SOX6: variants seen among roughly 807,000 people sequenced by gnomAD.
SOX6 encodes the protein transcription factor SOX-6.
SOX6 carries 11 observed loss-of-function variants against 97.8 expected under a neutral mutation model. The ratio of observed to expected loss-of-function variants is 0.11; its 90% CI spans 0.07 to 0.19. The LOEUF (loss-of-function observed/expected upper bound fraction) is 0.19. Ranked by LOEUF, SOX6 falls within the 10% of genes least tolerant of loss-of-function variation. SOX6 has a pLI of 1.00. For synonymous variants in SOX6, 360 were observed against 371.4 expected (o/e 0.97, Z 0.35); for missense variants, 810 against 1,039.5 (o/e 0.78, Z 3.04).
intron 4 of SOX6, among the ~76,000 whole-genome samples, chr11:16,567,876 T>A (rs1319196779): frequency 6.8e-6 from 1 of 147,008 alleles, no homozygotes; most frequent in East Asian, 1.9e-4. Flanking sequence ...CACCTGGCCA[T>A]ATTTTTTTTT....
intron 4 of SOX6, among the ~76,000 whole-genome samples, chr11:16,534,180 A>G (rs1041385353): frequency 1.3e-5 from 2 of 152,130 alleles, no homozygotes; most frequent in African/African-American, 4.8e-5. Context: ...CTTAATCTAT[A>G]TATCATACAA....
In SOX6 at chr11:16,049,764, A is replaced by G. The variant is rs781573416; in HGVS notation, c.1426T>C (p.Ser476Pro). ...TGACTTTTCCATTTACCTAAAGAGGATCCTCTTCCCAGGCTTCCTCCAATG... is the reference window on the plus strand; with the variant it reads ...TGACTTTTCCATTTACCTAAAGAGGGTCCTCTTCCCAGGCTTCCTCCAATG... ...SPIGGSLGRG[S>P]SLDILSSLNS... The change falls in exon 11 of 16, where the codon TCC (serine) becomes CCC (proline). Residue 476 changes from serine (S) to proline (P), a missense_variant. Physicochemically the swap from Ser to Pro is moderately conservative, Grantham distance 74. This residue lies in a region of SOX6 where 14 missense variants were observed against 36.0 expected (regional missense o/e 0.39). Transcript: ENST00000683767. The G allele has an allele frequency of 1.9e-6, 3 of 1,613,228 alleles. No homozygotes were observed. The highest frequency in any genetic ancestry group is 2.5e-6 in the Non-Finnish European group (3 of 1,179,792).
intron 4 of SOX6, among the ~76,000 whole-genome samples, chr11:16,564,996 T>C (rs889940596): frequency 6.6e-6 from 1 of 151,216 alleles, no homozygotes; most frequent in African/African-American, 2.4e-5. Flanking sequence ...AGGAAAACAA[T>C]AGAAAAGTAA....
intron 4 of SOX6, among the ~76,000 whole-genome samples, chr11:16,213,680 T>G (rs1317677710): frequency 6.6e-6 from 1 of 152,184 alleles, no homozygotes; most frequent in African/African-American, 2.4e-5. Flanking sequence ...TCAGCATTTC[T>G]GTATATAAGT....
rs141403168 is a variant in SOX6, at chr11:16,365,796, T to A, written c.-4-24544A>T. 3.3e-5 allele frequency among the ~76,000 whole-genome samples: 5 copies of A among 152,304 alleles called. No homozygotes were observed. The East Asian group carries it at 9.7e-4, about 29-fold the overall frequency. Reference sequence around the variant, plus strand: ...GACATCCTGTTGACGATGTTCATGATTTTTTATGCCTTCATTTTGTTCTTT... The same window carrying A: ...GACATCCTGTTGACGATGTTCATGAATTTTTATGCCTTCATTTTGTTCTTT... On this transcript the variant is annotated intron_variant, in intron 1 of 15. Coordinates refer to the SOX6 transcript ENST00000396356.
intron 3 of SOX6, among the ~76,000 whole-genome samples, chr11:16,271,109 T>C (rs1185629046): frequency 6.6e-6 from 1 of 151,408 alleles, no homozygotes; most frequent in Non-Finnish European, 1.5e-5. Context: ...TTACAAATTA[T>C]TTTGCAGCTT....
chr11:16,095,335 G>T (rs1413142591), intron 9 of SOX6, among the ~76,000 whole-genome samples: 3 of 151,752 alleles, frequency 2.0e-5, no homozygotes, highest in African/African-American at 4.8e-5. Flanking sequence ...GTTTTCATAA[G>T]CCATCTTCTC....
chr11:16,088,070 A>T (rs1036948165), intron 9 of SOX6, among the ~76,000 whole-genome samples: 16 of 152,152 alleles, frequency 1.1e-4, no homozygotes, highest in African/African-American at 2.2e-4. Context: ...GTGCTAAAAA[A>T]TTTTTTTGCT....
intron 2 of SOX6, among the ~76,000 whole-genome samples, chr11:16,330,896 C>T (rs1391924269): frequency 6.6e-6 from 1 of 151,934 alleles, no homozygotes; most frequent in Non-Finnish European, 1.5e-5. Flanking sequence ...ACTTGTGTTC[C>T]CTCTAAGGCC....
chr11:16,233,187 T>C (rs562146636), intron 4 of SOX6, among the ~76,000 whole-genome samples: 10 of 152,234 alleles, frequency 6.6e-5, no homozygotes, highest in Non-Finnish European at 1.2e-4. Flanking sequence ...TCACCTAAAG[T>C]TGTTGGATAA....
At chr11:16,401,450 A>G (rs964283022) in intron 1 of SOX6, among the ~76,000 whole-genome samples, 1 of 151,432 alleles carries the variant, frequency 6.6e-6, no homozygotes, top group Non-Finnish European at 1.5e-5. Flanking sequence ...TCTCTCCTCA[A>G]TCACTAAAAT....
At chr11:16,177,947 G>A (rs565534656) in intron 6 of SOX6, among the ~76,000 whole-genome samples, 1 of 151,904 alleles carries the variant, frequency 6.6e-6, no homozygotes, top group Non-Finnish European at 1.5e-5. Context: ...GAGCTGGGGA[G>A]TACAGTGCAG....
At chr11:16,209,285 G>A (rs1852154552) in intron 4 of SOX6, among the ~76,000 whole-genome samples, 1 of 151,794 alleles carries the variant, frequency 6.6e-6, no homozygotes, top group Admixed American at 6.6e-5. Context: ...GCTTTTCGGG[G>A]GTCTTCATTA....
intron 2 of SOX6, among the ~76,000 whole-genome samples, chr11:16,325,348 G>T (rs1238606306): frequency 6.6e-6 from 1 of 151,984 alleles, no homozygotes; most frequent in Non-Finnish European, 1.5e-5. Flanking sequence ...TACACAAACT[G>T]GAAAGATATA....
intron 4 of SOX6, among the ~76,000 whole-genome samples, chr11:16,555,183 A>G (rs758391397): frequency 2.0e-5 from 3 of 151,934 alleles, no homozygotes; most frequent in Non-Finnish European, 4.4e-5. Flanking sequence ...CCTCAATGAC[A>G]CTTAAAAAAT....
chr11:16,026,601 G>A (rs1221313179), intron 12 of SOX6, among the ~76,000 whole-genome samples: 1 of 152,082 alleles, frequency 6.6e-6, no homozygotes, highest in East Asian at 1.9e-4. Flanking sequence ...GCTAAGAAGA[G>A]GGCCTTTCTT....
chr11:16,642,847 C>T (rs1268773361), intron 3 of SOX6, among the ~76,000 whole-genome samples: 1 of 152,102 alleles, frequency 6.6e-6, no homozygotes, highest in East Asian at 1.9e-4. Flanking sequence ...AACTTCTTTG[C>T]CATGGGTTCG....
At chr11:16,435,448 T>G (rs1366164582) in intron 1 of SOX6, among the ~76,000 whole-genome samples, 1 of 152,174 alleles carries the variant, frequency 6.6e-6, no homozygotes, top group South Asian at 2.1e-4. Context: ...CCTTTAAGAA[T>G]ATGAACTCTG....
At chr11:16,302,600 T>A (rs1373259989) in intron 3 of SOX6, among the ~76,000 whole-genome samples, 2 of 138,150 alleles carry the variant, frequency 1.4e-5, no homozygotes, top group Non-Finnish European at 3.1e-5. Context: ...AGAGGCAGTC[T>A]CGCTCTGTCA....
Sources: gnomAD v4.1 joint callset for allele counts (sites outside exome capture counted in the v4.1 genomes callset) on GRCh38, gnomAD v4.1.1 for gene constraint, gnomAD v4.1.1 regional missense constraint, MANE v1.5 for transcripts, NCBI Gene and HGNC (gene_info 2026-07-23, HGNC 2026-07-21) for gene names.